Variants in ITCH observed in about 807,000 individuals in gnomAD.
ITCH encodes the protein E3 ubiquitin-protein ligase Itchy homolog.
A neutral mutation model predicts 126.8 loss-of-function variants in ITCH; 28 were observed. The ratio of observed to expected loss-of-function variants is 0.22; its 90% CI spans 0.16 to 0.30. The LOEUF is 0.30. ITCH is among the 10% of genes least tolerant of loss of function. The pLI, the probability that ITCH is intolerant of heterozygous loss-of-function variation, is 1.00. For synonymous variants in ITCH, 342 were observed against 340.0 expected (o/e 1.01, Z -0.06); for missense variants, 631 against 1,032.4 (o/e 0.61, Z 5.33).
intron 5 of ITCH, among the ~76,000 whole-genome samples, chr20:34,413,134 C>G (rs1979283853): frequency 6.6e-6 from 1 of 152,070 alleles, no homozygotes; most frequent in African/African-American, 2.4e-5. Context: ...ATTATCCTGC[C>G]TCAGCCTCCT....
At chr20:34,439,531 C>T (rs1200123356) in intron 8 of ITCH, among the ~76,000 whole-genome samples, 3 of 152,234 alleles carry the variant, frequency 2.0e-5, no homozygotes, top group Non-Finnish European at 4.4e-5. Flanking sequence ...CTGCCTCGGC[C>T]TCCCAAAGTG....
intron 9 of ITCH, among the ~76,000 whole-genome samples, chr20:34,440,575 G>A (rs1314225005): frequency 1.3e-5 from 2 of 151,890 alleles, no homozygotes; most frequent in African/African-American, 4.8e-5. Context: ...TCCTGCCTTA[G>A]CCTCCCTAGT....
chr20:34,480,304 TCTC>T (rs1568989635), intron 18 of ITCH, among the ~76,000 whole-genome samples: 1 of 151,860 alleles, frequency 6.6e-6, no homozygotes, highest in Non-Finnish European at 1.5e-5. Context: ...TTCGAGCAAT[TCTC>T]CTGCCTCAGC....
intron 23 of ITCH, among the ~76,000 whole-genome samples, chr20:34,493,168 C>T (rs748989071): frequency 3.3e-5 from 5 of 152,130 alleles, no homozygotes; most frequent in Non-Finnish European, 5.9e-5. Context: ...TTCCTTAATA[C>T]CAACATTATC....
chr20:34,400,294 T>C (rs948206385), intron 3 of ITCH, among the ~76,000 whole-genome samples: 3 of 152,106 alleles, frequency 2.0e-5, no homozygotes, highest in Non-Finnish European at 4.4e-5. Flanking sequence ...GGTCTTGAAC[T>C]CCTGGCCTCA....
In ITCH at chr20:34,380,581, G is replaced by A. The variant is rs928282876; in HGVS notation, c.-22+11111G>A. Among the ~76,000 whole-genome samples the A allele has an allele frequency of 4.7e-5, 5 of 107,382 alleles. No individual in the cohort carries two copies. In the Admixed American group the frequency reaches 4.7e-4, roughly 10 times the overall value. 70.4% of individuals were successfully genotyped at this position (107,382 alleles called of 152,430 possible). On this transcript the variant is annotated intron_variant, in intron 2 of 24. Transcript: ENST00000374864. ...GATTTTATCTCCTAGCCTATTGCTT[G>A]TCTTTCCATTTTCTTAATGATGTCT...
At chr20:34,411,366 C>G (rs6088490) in intron 4 of ITCH, among the ~76,000 whole-genome samples, 1 of 152,106 alleles carries the variant, frequency 6.6e-6, no homozygotes, top group African/African-American at 2.4e-5. Flanking sequence ...GTTGGCCAGG[C>G]TGGTCTCAAG....
intron 2 of ITCH, among the ~76,000 whole-genome samples, chr20:34,379,514 C>T (rs1315139069): frequency 6.6e-6 from 1 of 151,768 alleles, no homozygotes; most frequent in African/African-American, 2.4e-5. Flanking sequence ...GCTCTGGTAA[C>T]TACTATTCTG....
chr20:34,374,194 C>T (rs1246246703), intron 2 of ITCH, among the ~76,000 whole-genome samples: 1 of 152,084 alleles, frequency 6.6e-6, no homozygotes, highest in Non-Finnish European at 1.5e-5. Flanking sequence ...GGCCTTCATT[C>T]GTGCAAAGAA....
chr20:34,402,410 A>G (rs1275836483), intron 3 of ITCH: 1 of 775,474 alleles, frequency 1.3e-6, no homozygotes, highest in South Asian at 1.3e-5. Flanking sequence ...GTCTTTGGAC[A>G]GTGGCACCCA....
chr20:34,504,456 G>A, intron 24 of ITCH, 53 bp downstream of exon 24: 2 of 1,107,158 alleles, frequency 1.8e-6, no homozygotes, highest in Non-Finnish European at 1.4e-6. Flanking sequence ...GTTATCTGTA[G>A]CTATTTAAAG....
Position 34,412,592 on chromosome 20 carries a change from C to G in ITCH, c.290C>G (p.Thr97Ser). Residue 97 changes from threonine to serine, a missense_variant, in exon 5 of 25, where the codon ACT becomes AGT. By Grantham distance (58) the Thr-to-Ser change is moderately conservative. Transcript: ENST00000374864. ...CTGAAATCTGATGTTTTGTTGGGAA[C>G]TGCTGCATTAGATATTTATGAAACA... ...QTLKSDVLLG[T>S]AALDIYETLK... The G allele has an allele frequency of 6.2e-7, 1 of 1,603,256 alleles. No individual in the cohort carries two copies.
intron 7 of ITCH, among the ~76,000 whole-genome samples, chr20:34,436,011 T>C (rs1378608612): frequency 6.6e-6 from 1 of 152,192 alleles, no homozygotes; most frequent in African/African-American, 2.4e-5. Context: ...GTACGGGTTA[T>C]CAGATGACTC....
intron 7 of ITCH, among the ~76,000 whole-genome samples, chr20:34,425,162 A>G (rs923623069): frequency 1.3e-5 from 2 of 152,206 alleles, no homozygotes; most frequent in Non-Finnish European, 2.9e-5. Context: ...CATGTGCTGT[A>G]TTGATTCAAG....
intron 2 of ITCH, among the ~76,000 whole-genome samples, chr20:34,382,835 C>T (rs895989542): frequency 6.6e-6 from 1 of 151,650 alleles, no homozygotes; most frequent in South Asian, 2.1e-4. Flanking sequence ...CCTCTGCCTC[C>T]TGGCTTCAAG....
At chr20:34,409,447 GCT>G (rs1263567172) in intron 4 of ITCH, among the ~76,000 whole-genome samples, 2 of 152,008 alleles carry the variant, frequency 1.3e-5, no homozygotes, top group African/African-American at 4.8e-5. Context: ...TGTCCAGAGT[GCT>G]CTCTCTCAAC....
chr20:34,444,098 T>G (rs1391173673), intron 10 of ITCH, among the ~76,000 whole-genome samples: 2 of 152,236 alleles, frequency 1.3e-5, no homozygotes, highest in Non-Finnish European at 2.9e-5. Flanking sequence ...ACATTAAGAA[T>G]ATTCATTATT....
intron 13 of ITCH, among the ~76,000 whole-genome samples, chr20:34,459,933 A>T (rs934243811): frequency 2.6e-5 from 4 of 152,222 alleles, no homozygotes; most frequent in African/African-American, 9.6e-5. Context: ...TAAGAATAGA[A>T]TTGAAGAAGT....
At chr20:34,398,828 T>A (rs939464758) in intron 3 of ITCH, among the ~76,000 whole-genome samples, 3 of 152,116 alleles carry the variant, frequency 2.0e-5, no homozygotes, top group Non-Finnish European at 2.9e-5. Flanking sequence ...TAATGGATAA[T>A]AGTTCAGCAA....
Sources: allele counts gnomAD v4.1 joint callset (sites outside exome capture counted in the v4.1 genomes callset), GRCh38; gene constraint gnomAD v4.1.1; transcripts MANE v1.5; gene names NCBI Gene and HGNC (gene_info 2026-07-23, HGNC 2026-07-21).